Variants in MAP2K5 observed in about 807,000 individuals in gnomAD.
MAP2K5 encodes dual specificity mitogen-activated protein kinase kinase 5.
MAP2K5 carries 49 observed loss-of-function variants against 83.1 expected under a neutral mutation model. The observed-to-expected ratio is 0.59, with a 90% CI of 0.47 to 0.75. MAP2K5 has a LOEUF of 0.75. Among genes scored for constraint, MAP2K5 ranks in the 30% least tolerant of loss-of-function variants. The pLI is 0.00. For synonymous variants in MAP2K5, 202 were observed against 191.8 expected, an observed-to-expected ratio of 1.05 and a Z score of -0.44; for missense variants, 457 against 557.5, an observed-to-expected ratio of 0.82 and a Z score of 1.82.
intron 8 of MAP2K5, chr15:67,628,794 T>G (rs1596679796): frequency 1.3e-6 from 1 of 751,944 alleles, no homozygotes. Context: ...TGTGGAGGTG[T>G]TTTTAGTGGG....
chr15:67,784,640 C>G lies in MAP2K5; in HGVS notation c.1242+11888C>G, dbSNP rs180810628. On this transcript the variant is annotated intron_variant, in intron 21 of 21. Transcript: ENST00000178640. ...ACACAAAAGAGGAAGTAATTACCAACAGTTTGCACCTGGTCTGTTAGTTGG... is the reference window on the plus strand; with the variant it reads ...ACACAAAAGAGGAAGTAATTACCAAGAGTTTGCACCTGGTCTGTTAGTTGG... 5.9e-5 allele frequency among the ~76,000 whole-genome samples: 9 copies of G among 152,340 alleles called. 1 individual carries two copies. The highest frequency in any genetic ancestry group is 5.2e-4 in the Admixed American group (8 of 15,312).
At chr15:67,791,793 T>C (rs1353549048) in intron 21 of MAP2K5, among the ~76,000 whole-genome samples, 1 of 152,208 alleles carries the variant, frequency 6.6e-6, no homozygotes, top group African/African-American at 2.4e-5. Flanking sequence ...TCAGTAAATA[T>C]AAGCATTTCT....
rs116259510 is a variant in MAP2K5, at chr15:67,551,108, T to C, written c.184+1026T>C. 4.3e-3 allele frequency among the ~76,000 whole-genome samples: 652 copies of C among 152,320 alleles called. 3 individuals carry two copies. Among genetic ancestry groups the C allele is most frequent in the African/African-American group, 0.015 (627 of 41,566 alleles). On this transcript the variant is annotated intron_variant, in intron 2 of 21. Transcript: ENST00000178640. ...TCTTAATGTAGAAAAATTTCAGTTT[T>C]TCCACAATAGGATACTTTTTTGTTT...
intron 7 of MAP2K5, among the ~76,000 whole-genome samples, chr15:67,594,007 A>G (rs1004009395): frequency 7.2e-5 from 11 of 152,200 alleles, no homozygotes; most frequent in East Asian, 1.9e-4. Flanking sequence ...ACAGTGCTGT[A>G]TGGTAGTGCT....
chr15:67,648,209 A>G (rs181475689), intron 11 of MAP2K5, among the ~76,000 whole-genome samples: 22 of 152,214 alleles, frequency 1.4e-4, no homozygotes, highest in Admixed American at 1.2e-3. Context: ...GAGACTTCCT[A>G]CCTATTAGTA....
chr15:67,643,522 C>G (rs181824274), intron 9 of MAP2K5, among the ~76,000 whole-genome samples: 13 of 152,316 alleles, frequency 8.5e-5, no homozygotes, highest in African/African-American at 2.6e-4. Context: ...TCTCAGCTCA[C>G]TGGAAGCTCC....
Position 67,702,084 on chromosome 15 carries a change from A to G in MAP2K5, c.973-1253A>G, listed in dbSNP as rs537952448. 2.6e-5 allele frequency among the ~76,000 whole-genome samples: 4 copies of G among 152,210 alleles called. No homozygotes were observed. The highest frequency in any genetic ancestry group is 5.9e-5 in the Non-Finnish European group (4 of 68,030). The stretch of plus-strand genomic sequence containing the variant: ...GTAGAAGACCCAAAGTACCTAGCCC[A>G]GTGTCTGACACTAGTAAGTGGTCAT... On this transcript the variant is annotated intron_variant, in intron 15 of 21. Coordinates refer to ENST00000178640, the MANE Select transcript of MAP2K5 (RefSeq NM_145160.3). The surrounding 1 kb of genome is among the most constrained non-coding windows in gnomAD (Gnocchi z 4.6).
chr15:67,699,576 C>A (rs1366105146), intron 15 of MAP2K5, among the ~76,000 whole-genome samples: 1 of 152,122 alleles, frequency 6.6e-6, no homozygotes, highest in Non-Finnish European at 1.5e-5. Context: ...TTGGACAAGG[C>A]ACATCATGCT....
In MAP2K5 at chr15:67,572,528, C is replaced by T. The variant is rs890241691; in HGVS notation, c.253-8226C>T. Among the ~76,000 whole-genome samples the T allele has an allele frequency of 2.0e-5, 3 of 152,054 alleles. No individual in the cohort carries two copies. Among genetic ancestry groups the T allele is most frequent in the Admixed American group, 6.6e-5 (1 of 15,260 alleles). The stretch of plus-strand genomic sequence containing the variant: ...AGTGGTGAAAGAATAGCTACTCACT[C>T]CATAGAGTAGGACGTTCCCGAAAGT... On this transcript the variant is annotated intron_variant, in intron 3 of 21. Transcript: ENST00000178640. This position sits in a 1 kb window ranked among gnomAD's most constrained non-coding sequence, Gnocchi z 4.2.
intron 12 of MAP2K5, among the ~76,000 whole-genome samples, chr15:67,661,077 T>C (rs1396084492): frequency 6.6e-6 from 1 of 152,134 alleles, no homozygotes; most frequent in Non-Finnish European, 1.5e-5. Context: ...CCAAGGTTCA[T>C]TACAGCATGG....
chr15:67,782,644 A>G lies in MAP2K5; in HGVS notation c.1242+9892A>G, dbSNP rs183993778. ...TGACAGGAATTTAAATTTTGTTTCAATCAACCCCTGTGCTCACAGCCTGCT... is the reference window on the plus strand; with the variant it reads ...TGACAGGAATTTAAATTTTGTTTCAGTCAACCCCTGTGCTCACAGCCTGCT... On this transcript the variant is annotated intron_variant, in intron 21 of 21. Coordinates refer to ENST00000178640, the MANE Select transcript of MAP2K5 (RefSeq NM_145160.3). The surrounding 1 kb of genome is among the most constrained non-coding windows in gnomAD (Gnocchi z 4.9). Among the ~76,000 whole-genome samples the G allele has an allele frequency of 8.0e-4, 122 of 152,314 alleles. 1 individual carries two copies. Among genetic ancestry groups the G allele is most frequent in the Middle Eastern group, 6.8e-3 (2 of 294 alleles).
chr15:67,637,229 G>T lies in MAP2K5; in HGVS notation c.585+6302G>T, dbSNP rs112171147. ...GTGGGACTTCACCTTGTCATCCTGT[G>T]AGTCAATACTCCTTAATAAATTCCC... On this transcript the variant is annotated intron_variant, in intron 9 of 21. Coordinates refer to ENST00000178640, the MANE Select transcript of MAP2K5 (RefSeq NM_145160.3). The surrounding 1 kb of genome is among the most constrained non-coding windows in gnomAD (Gnocchi z 4.5). Among the ~76,000 whole-genome samples the T allele has an allele frequency of 0.069, 10,558 of 152,196 alleles. 499 individuals carry two copies. The highest frequency in any genetic ancestry group is 0.1 in the Non-Finnish European group (7,039 of 68,004).
chr15:67,566,705 C>T (rs528073508), intron 3 of MAP2K5, among the ~76,000 whole-genome samples: 2 of 152,176 alleles, frequency 1.3e-5, no homozygotes, highest in East Asian at 1.9e-4. Flanking sequence ...ACTTTTTCCC[C>T]CTCTTGGATG....
rs571025788 is a variant in MAP2K5 at position 67,768,646 on chromosome 15, G to T, written c.1135-956G>T. On this transcript the variant is annotated intron_variant, in intron 19 of 21. Coordinates refer to ENST00000178640, the MANE Select transcript of MAP2K5 (RefSeq NM_145160.3). This position sits in a 1 kb window ranked among gnomAD's most constrained non-coding sequence, Gnocchi z 4.0. ...GATGTCAGGGAGGAAAAAAGCCGCCGAAAGGTATTTTTAATAGCAAATGAG... is the reference window on the plus strand; with the variant it reads ...GATGTCAGGGAGGAAAAAAGCCGCCTAAAGGTATTTTTAATAGCAAATGAG... Among the ~76,000 whole-genome samples the T allele has an allele frequency of 9.6e-4, 146 of 152,228 alleles. 2 individuals are homozygous for T. In the South Asian group the frequency reaches 0.017, roughly 18 times the overall value.
At chr15:67,551,764 C>T (rs890452715) in intron 2 of MAP2K5, among the ~76,000 whole-genome samples, 3 of 151,834 alleles carry the variant, frequency 2.0e-5, no homozygotes, top group African/African-American at 7.3e-5. Context: ...TTTTCAATAG[C>T]AAAAAATTAG....
chr15:67,714,472 G>A (rs1339366197), intron 16 of MAP2K5, among the ~76,000 whole-genome samples: 1 of 120,584 alleles, frequency 8.3e-6, no homozygotes, highest in Non-Finnish European at 1.7e-5. Context: ...CCCTGACACA[G>A]CTGTTTCTAA....
chr15:67,586,866 C>T lies in MAP2K5; in HGVS notation c.384C>T (p.Pro128=), dbSNP rs750128775. 6.2e-7 allele frequency: 1 copy of T among 1,614,050 alleles called. No individual in the cohort carries two copies. The highest frequency in any genetic ancestry group is 1.3e-5 in the African/African-American group (1 of 74,910). ...TATAGGTGAATACTCGGGCCGGACC[C>T]TCTCAACACAGCAGCCCAGCAGTCT... is the stretch of plus-strand genomic sequence containing the variant. ...HGLKVNTRAG[P]SQHSSPAVSD... The change falls in exon 6 of 22, where the codon CCC becomes CCT. Residue 128 remains proline, a synonymous_variant. Transcript: ENST00000178640.
At chr15:67,558,511 G>A (rs866598885) in intron 2 of MAP2K5, among the ~76,000 whole-genome samples, 4 of 152,266 alleles carry the variant, frequency 2.6e-5, no homozygotes, top group Middle Eastern at 3.4e-3. Flanking sequence ...GAAGTCAGGT[G>A]ACACCACCAC....
chr15:67,605,399 G>C (rs1412010080), intron 8 of MAP2K5, among the ~76,000 whole-genome samples: 1 of 152,110 alleles, frequency 6.6e-6, no homozygotes, highest in African/African-American at 2.4e-5. Context: ...TTATAGTTGT[G>C]TTGAACTAAC....
Sources: gnomAD v4.1 joint callset for allele counts (sites outside exome capture counted in the v4.1 genomes callset) on GRCh38, gnomAD v4.1.1 for gene constraint, Gnocchi (gnomAD v3.1) non-coding constraint, MANE v1.5 for transcripts, NCBI Gene and HGNC (gene_info 2026-07-23, HGNC 2026-07-21) for gene names.